OPRM1: variants seen among roughly 807,000 people sequenced by gnomAD.
The protein encoded by OPRM1 is opioid receptor mu 1, also known as mu-type opioid receptor.
A neutral mutation model predicts 31.8 loss-of-function variants in OPRM1; 27 were observed. The ratio of observed to expected loss-of-function variants is 0.85; its 90% CI spans 0.63 to 1.17. OPRM1 has a LOEUF of 1.17. Ranked by LOEUF, OPRM1 falls within the 50% of genes most tolerant of loss-of-function variation. The pLI, the probability that OPRM1 is intolerant of heterozygous loss-of-function variation, is 0.00. For synonymous variants in OPRM1, 196 were observed against 189.9 expected (o/e 1.03, Z -0.26); for missense variants, 536 against 511.1 (o/e 1.05, Z -0.47).
intron 3 of OPRM1, among the ~76,000 whole-genome samples, chr6:154,221,559 G>A (rs530036975): frequency 5.3e-5 from 8 of 152,248 alleles, no homozygotes; most frequent in African/African-American, 1.9e-4. Context: ...AGTCTTAGCT[G>A]GTCAGTAGTT....
intron 1 of OPRM1, among the ~76,000 whole-genome samples, chr6:154,042,566 A>G (rs1184762754): frequency 6.6e-6 from 1 of 152,206 alleles, no homozygotes; most frequent in Non-Finnish European, 1.5e-5. Flanking sequence ...AATAACTGCT[A>G]ACATGGACGC....
At chr6:154,063,789 A>G (rs1191211118) in intron 1 of OPRM1, among the ~76,000 whole-genome samples, 1 of 152,020 alleles carries the variant, frequency 6.6e-6, no homozygotes, top group African/African-American at 2.4e-5. Flanking sequence ...CATTTGGCAT[A>G]ATGTCCTCAA....
intron 3 of OPRM1, among the ~76,000 whole-genome samples, chr6:154,099,411 A>C (rs1794050586): frequency 1.3e-5 from 1 of 76,462 alleles, no homozygotes; most frequent in Admixed American, 1.6e-4. Flanking sequence ...AAAGAAAGAA[A>C]GAGAGAAAGA....
Position 154,055,619 on chromosome 6 carries a change from G to A in OPRM1, c.290+15785G>A, listed in dbSNP as rs560154210. Among the ~76,000 whole-genome samples, 6 of 152,268 alleles carry A rather than the reference G, an allele frequency of 3.9e-5. No homozygotes were observed. The South Asian group carries it at 1.2e-3, about 32-fold the overall frequency. On this transcript the variant is annotated intron_variant, in intron 1 of 3. Coordinates refer to ENST00000330432, the MANE Select transcript of OPRM1 (RefSeq NM_000914.5). Reference sequence around the variant, plus strand: ...AGAGAAGAAGCTAGGTTTTGCATGAGTATCACTGTTTCTTGTCATTCTTCT... The same window carrying A: ...AGAGAAGAAGCTAGGTTTTGCATGAATATCACTGTTTCTTGTCATTCTTCT...
chr6:154,018,892 T>C (rs1193330815), intron 1 of OPRM1, among the ~76,000 whole-genome samples: 3 of 152,212 alleles, frequency 2.0e-5, no homozygotes, highest in Admixed American at 6.5e-5. Flanking sequence ...TCTGAACACA[T>C]AATTTCTCCT....
intron 3 of OPRM1, among the ~76,000 whole-genome samples, chr6:154,191,881 A>G (rs1801921013): frequency 6.6e-6 from 1 of 152,208 alleles, no homozygotes; most frequent in Non-Finnish European, 1.5e-5. Flanking sequence ...CAATTTTTCT[A>G]TAAATCAAAA....
chr6:154,098,506 G>T (rs1458946299), intron 3 of OPRM1, among the ~76,000 whole-genome samples: 1 of 152,214 alleles, frequency 6.6e-6, no homozygotes, highest in East Asian at 1.9e-4. Context: ...ATATGAAAAG[G>T]TGCATATTTT....
intron 1 of OPRM1, among the ~76,000 whole-genome samples, chr6:154,075,600 G>A (rs1456834595): frequency 6.6e-6 from 1 of 152,038 alleles, no homozygotes; most frequent in Non-Finnish European, 1.5e-5. Flanking sequence ...TATGAGTGCA[G>A]GCCACCATGC....
At chr6:154,117,632 C>T (rs1797009594) in intron 3 of OPRM1, among the ~76,000 whole-genome samples, 1 of 152,170 alleles carries the variant, frequency 6.6e-6, no homozygotes, top group African/African-American at 2.4e-5. Flanking sequence ...CAGTGCTGTG[C>T]TCGCCTGTGC....
At position 154,121,557 on chromosome 6, in the gene OPRM1, A is replaced by G. The variant is rs1797300441; in HGVS notation, c.*2836A>G. Among the ~76,000 whole-genome samples, 1 of 152,306 alleles carries G rather than the reference A, an allele frequency of 6.6e-6. No homozygotes were observed. The highest frequency in any genetic ancestry group is 2.1e-4 in the South Asian group (1 of 4,826). On this transcript the variant is annotated 3_prime_UTR_variant, in exon 4 of 4. Coordinates refer to ENST00000330432, the MANE Select transcript of OPRM1 (RefSeq NM_000914.5). ...GGTAAGAGAGCATTCATTCCCTTCA[A>G]TAATATGACTGTGTTGATAAAACTG...
intron 1 of OPRM1, among the ~76,000 whole-genome samples, chr6:154,052,829 C>G (rs1782476194): frequency 6.6e-6 from 1 of 152,048 alleles, no homozygotes; most frequent in Non-Finnish European, 1.5e-5. Context: ...TATGTATATA[C>G]CCACAAAAAT....
intron 3 of OPRM1, among the ~76,000 whole-genome samples, chr6:154,246,380 G>T (rs1781044714): frequency 6.6e-6 from 1 of 152,204 alleles, no homozygotes; most frequent in South Asian, 2.1e-4. Context: ...CCCAGCCAGA[G>T]TAGTCAAACA....
chr6:154,145,188 A>G (rs964152527), intron 3 of OPRM1, among the ~76,000 whole-genome samples: 12 of 152,220 alleles, frequency 7.9e-5, no homozygotes, highest in Non-Finnish European at 1.8e-4. Context: ...TAAGAAGGAA[A>G]CAAACCAACA....
intron 1 of OPRM1, among the ~76,000 whole-genome samples, chr6:154,020,498 T>TA (rs35809532): frequency 4.6e-5 from 7 of 152,124 alleles, no homozygotes; most frequent in Admixed American, 3.9e-4. Flanking sequence ...AAAGATAATT[T>TA]AAAAAAAATT....
intron 1 of OPRM1, among the ~76,000 whole-genome samples, chr6:154,019,182 C>CTTTT (rs34786795): frequency 3.7e-4 from 47 of 126,908 alleles, no homozygotes; most frequent in African/African-American, 1.3e-3. Context: ...CCCTGTTGTG[C>CTTTT]TTTTTTTTTT....
intron 3 of OPRM1, among the ~76,000 whole-genome samples, chr6:154,242,410 C>T (rs528071146): frequency 2.0e-5 from 3 of 152,082 alleles, no homozygotes; most frequent in East Asian, 1.9e-4. Flanking sequence ...ACGTAAATGC[C>T]GAAGATTCTT....
intron 1 of OPRM1, chr6:154,087,317 T>C (rs1440818919): frequency 2.0e-6 from 2 of 985,344 alleles, no homozygotes; most frequent in Non-Finnish European, 2.4e-6. Context: ...TCCTGGACAC[T>C]GAATTCAGTC....
chr6:154,087,075 G>T, intron 1 of OPRM1: 3 of 984,374 alleles, frequency 3.0e-6, no homozygotes, highest in Non-Finnish European at 3.6e-6. Flanking sequence ...AAGTTAAATG[G>T]CTCTATCTTT....
At chr6:154,136,560 AG>A (rs1287420409), downstream of OPRM1, among the ~76,000 whole-genome samples, 1 of 152,188 alleles carries the variant, frequency 6.6e-6, no homozygotes, top group African/African-American at 2.4e-5. Context: ...TAGAATGGCC[AG>A]GGGGATCTCA....
Sources: gnomAD v4.1 joint callset for allele counts (sites outside exome capture counted in the v4.1 genomes callset) on GRCh38, gnomAD v4.1.1 for gene constraint, MANE v1.5 for transcripts, NCBI Gene and HGNC (gene_info 2026-07-23, HGNC 2026-07-21) for gene names.